The following TTC7B variants were observed in gnomAD, a reference collection of about 807,000 sequenced individuals.
TTC7B encodes tetratricopeptide repeat domain 7B, also known as tetratricopeptide repeat protein 7B.
TTC7B carries 28 observed loss-of-function variants against 106.8 expected under a neutral mutation model. That is an observed-to-expected ratio of 0.26 (90% CI 0.19 to 0.36). The LOEUF (loss-of-function observed/expected upper bound fraction) is 0.36. Among genes scored for constraint, TTC7B ranks in the 10% least tolerant of loss-of-function variants. The probability of loss-of-function intolerance (pLI) is 1.00; values close to 1 mark genes in which losing one functional copy is unlikely to be tolerated. For synonymous variants in TTC7B, 405 were observed against 430.6 expected, an observed-to-expected ratio of 0.94 and a Z score of 0.74; for missense variants, 862 against 1,076.4, an observed-to-expected ratio of 0.80 and a Z score of 2.79.
At chr14:90,607,167 TA>T (rs1333117741) in intron 17 of TTC7B, among the ~76,000 whole-genome samples, 10 of 152,092 alleles carry the variant, frequency 6.6e-5, no homozygotes, top group Non-Finnish European at 1.5e-4. Context: ...TAATAGAAAT[TA>T]AAAAACAGAA....
chr14:90,800,140 G>A (rs1004522889), intron 1 of TTC7B, among the ~76,000 whole-genome samples: 3 of 152,110 alleles, frequency 2.0e-5, no homozygotes, highest in Non-Finnish European at 4.4e-5. Context: ...CCTGATCTAA[G>A]TTTTTAAAAG....
intron 1 of TTC7B, 86 bp downstream of exon 1, chr14:90,816,089 C>T (rs2140070305): frequency 1.0e-6 from 1 of 979,676 alleles, no homozygotes; most frequent in Non-Finnish European, 1.2e-6. Context: ...CCTGCCCGCG[C>T]CCCGCGCCCG....
intron 14 of TTC7B, 79 bp from the exon 15 acceptor site, chr14:90,644,287 A>C: frequency 8.5e-7 from 1 of 1,181,264 alleles, no homozygotes; most frequent in Non-Finnish European, 1.1e-6. Context: ...ACACGCGCGA[A>C]AGAAGCCATC....
chr14:90,807,094 T>G lies in TTC7B; in HGVS notation c.121+9081A>C, dbSNP rs1164420633. Among the ~76,000 whole-genome samples the G allele has an allele frequency of 6.6e-6, 1 of 152,114 alleles. No homozygotes were observed. Among genetic ancestry groups the G allele is most frequent in the East Asian group, 1.9e-4 (1 of 5,188 alleles). ...TCTACCTGAAAGACTACCGTTCCACTTGCCCAGGACTGAGGGAGCTTCTGG... is the reference window on the plus strand; with the variant it reads ...TCTACCTGAAAGACTACCGTTCCACGTGCCCAGGACTGAGGGAGCTTCTGG... On this transcript the variant is annotated intron_variant, in intron 1 of 19. Transcript: ENST00000328459. This position sits in a 1 kb window ranked among gnomAD's most constrained non-coding sequence, Gnocchi z 4.1.
chr14:90,528,043 T>G lies in TTC7B; in HGVS notation c.*13325A>C, dbSNP rs1054092255. On this transcript the variant is annotated 3_prime_UTR_variant, in exon 20 of 20. Coordinates refer to ENST00000328459, the MANE Select transcript of TTC7B (RefSeq NM_001010854.2). ...GTTGACAAGGTTGGCATATGTTGTA[T>G]GAATAAGAGCTTCCGTATGTGATAA... 2.0e-5 allele frequency: 3 copies of G among 152,084 alleles called. No individual in the cohort carries two copies. The highest frequency in any genetic ancestry group is 6.5e-5 in the Admixed American group (1 of 15,270). 9.4% of individuals were successfully genotyped at this position (152,084 alleles called of 1,614,324 possible).
In TTC7B at chr14:90,538,661, T is replaced by G. The variant is rs1388322377; in HGVS notation, c.*2707A>C. 6.6e-6 allele frequency: 1 copy of G among 152,046 alleles called. No homozygotes were observed. The highest frequency in any genetic ancestry group is 1.5e-5 in the Non-Finnish European group (1 of 68,044). The allele number at this position is 152,046 out of a possible 1,614,324, so 9.4% of individuals were successfully genotyped here. On this transcript the variant is annotated 3_prime_UTR_variant, in exon 20 of 20. Transcript: ENST00000328459. ...ACTGGAAAACAGAATATGAGGTGGG[T>G]GAGTGGGATTAAGGTGGGGGACTGA...
chr14:90,712,366 A>G (rs1305558611), intron 5 of TTC7B, among the ~76,000 whole-genome samples: 1 of 152,216 alleles, frequency 6.6e-6, no homozygotes, highest in East Asian at 1.9e-4. Flanking sequence ...ATATTCACAG[A>G]TGACATGATC....
chr14:90,778,326 C>A (rs555901914), intron 3 of TTC7B, among the ~76,000 whole-genome samples: 1 of 152,316 alleles, frequency 6.6e-6, no homozygotes, highest in Non-Finnish European at 1.5e-5. Flanking sequence ...AGGCTCGGGG[C>A]CCAAGTTGCC....
intron 13 of TTC7B, among the ~76,000 whole-genome samples, chr14:90,651,952 C>G (rs1885737037): frequency 6.6e-6 from 1 of 152,152 alleles, no homozygotes; most frequent in South Asian, 2.1e-4. Context: ...TAATACAGTT[C>G]CAAGAAATCA....
intron 19 of TTC7B, among the ~76,000 whole-genome samples, chr14:90,564,192 T>A (rs901942779): frequency 6.6e-6 from 1 of 152,120 alleles, no homozygotes; most frequent in Admixed American, 6.6e-5. Flanking sequence ...GGATGCTGTG[T>A]TAGCAGGCAT....
chr14:90,545,320 C>G (rs1376466225), intron 19 of TTC7B, among the ~76,000 whole-genome samples: 1 of 152,240 alleles, frequency 6.6e-6, no homozygotes, highest in Non-Finnish European at 1.5e-5. Context: ...AAAGGGGCGT[C>G]TGCCATGCTG....
chr14:90,653,880 G>A (rs1422513004), intron 12 of TTC7B, among the ~76,000 whole-genome samples: 2 of 152,200 alleles, frequency 1.3e-5, no homozygotes, highest in Admixed American at 6.5e-5. Context: ...GGTAGAGTCT[G>A]AAGAATTTAC....
At position 90,633,660 on chromosome 14, in the gene TTC7B, T is replaced by G. The variant is rs144063471; in HGVS notation, c.1751+10388A>C. ...TCATTGCCATTGGGAGAGACAATTA[T>G]GTACTCCAAATATCACCTGTTACCT... On this transcript the variant is annotated intron_variant, in intron 15 of 19. Transcript: ENST00000328459. 2.9e-3 allele frequency among the ~76,000 whole-genome samples: 449 copies of G among 152,324 alleles called. 3 individuals are homozygous for G. The highest frequency in any genetic ancestry group is 0.01 in the African/African-American group (425 of 41,566).
chr14:90,788,873 G>A (rs1431994562), intron 1 of TTC7B, among the ~76,000 whole-genome samples: 1 of 151,608 alleles, frequency 6.6e-6, no homozygotes, highest in East Asian at 1.9e-4. Flanking sequence ...TGAGGCAGGA[G>A]AATCGCTTGA....
chr14:90,645,123 C>T (rs1371267632), intron 14 of TTC7B: 1 of 152,238 alleles, frequency 6.6e-6, no homozygotes, highest in Non-Finnish European at 1.5e-5. Context: ...CAGATGGCTT[C>T]CGGTCTCGCT....
At chr14:90,770,507 T>G (rs1890829436) in intron 3 of TTC7B, among the ~76,000 whole-genome samples, 1 of 151,974 alleles carries the variant, frequency 6.6e-6, no homozygotes, top group African/African-American at 2.4e-5. Flanking sequence ...AAATACAAAA[T>G]TAGCTGGGCG....
intron 6 of TTC7B, among the ~76,000 whole-genome samples, chr14:90,695,196 A>ATATACAT (rs1566840885): frequency 9.6e-4 from 7 of 7,266 alleles, no homozygotes; most frequent in Admixed American, 4.0e-3. Context: ...TATACATTTT[A>ATATACAT]GTATAAAACA....
At chr14:90,772,103 T>C (rs1890886109) in intron 3 of TTC7B, among the ~76,000 whole-genome samples, 1 of 151,686 alleles carries the variant, frequency 6.6e-6, no homozygotes, top group Non-Finnish European at 1.5e-5. Context: ...TCGAAGGGAT[T>C]GCATTCAGTG....
chr14:90,794,126 C>A (rs1891686004), intron 1 of TTC7B, among the ~76,000 whole-genome samples: 1 of 151,864 alleles, frequency 6.6e-6, no homozygotes, highest in South Asian at 2.1e-4. Context: ...TGGTCTCAAA[C>A]TCCTGGCCTC....
Sources: gnomAD v4.1 joint callset for allele counts (sites outside exome capture counted in the v4.1 genomes callset) on GRCh38, gnomAD v4.1.1 for gene constraint, Gnocchi (gnomAD v3.1) non-coding constraint, MANE v1.5 for transcripts, NCBI Gene and HGNC (gene_info 2026-07-23, HGNC 2026-07-21) for gene names.